The following PPP4R3A variants were observed in gnomAD, a reference collection of about 807,000 sequenced individuals.
PPP4R3A encodes the protein protein phosphatase 4 regulatory subunit 3A.
In PPP4R3A, 15 loss-of-function variants were observed where a neutral mutation model predicts 91.7. The observed-to-expected ratio is 0.16, with a 90% CI of 0.11 to 0.25. PPP4R3A has a LOEUF of 0.25. PPP4R3A is among the 10% of genes least tolerant of loss of function. PPP4R3A has a pLI of 1.00. For synonymous variants in PPP4R3A, 377 were observed against 348.7 expected (o/e 1.08, Z -0.91); for missense variants, 623 against 998.4 (o/e 0.62, Z 5.07).
At chr14:91,499,183 T>C (rs1176687183) in intron 1 of PPP4R3A, among the ~76,000 whole-genome samples, 2 of 151,488 alleles carry the variant, frequency 1.3e-5, no homozygotes, top group Non-Finnish European at 2.9e-5. Context: ...GAGGATTGCT[T>C]GAGGCCAGGA....
chr14:91,464,284 G>A (rs1026355288), intron 11 of PPP4R3A, among the ~76,000 whole-genome samples: 7 of 151,966 alleles, frequency 4.6e-5, no homozygotes, highest in African/African-American at 1.7e-4. Context: ...TCATGCCACC[G>A]CACTTCAGCC....
At position 91,508,943 on chromosome 14, in the gene PPP4R3A, G is replaced by A. The variant is rs535458416; in HGVS notation, c.142+563C>T. ...ACTGGTGAACGAAAATCTTCGCAAG[G>A]GAAAGCGTTTTCTCTTAGTGTAGAG... On this transcript the variant is annotated intron_variant, in intron 1 of 14. Coordinates refer to ENST00000554943, the MANE Select transcript of PPP4R3A (RefSeq NM_001366432.2). Among the ~76,000 whole-genome samples the A allele has an allele frequency of 4.6e-5, 7 of 152,276 alleles. No individual in the cohort carries two copies. The South Asian group carries it at 1.5e-3, about 32-fold the overall frequency.
rs781230730 is a variant in PPP4R3A, at chr14:91,475,810, C to T, written c.1266+1G>A. 1 of 1,611,786 alleles carries T rather than the reference C, an allele frequency of 6.2e-7. No homozygotes were observed. The highest frequency in any genetic ancestry group is 2.2e-5 in the East Asian group (1 of 44,774). On this transcript the variant is annotated splice_donor_variant, in intron 7 of 14. Coordinates refer to ENST00000554943, the MANE Select transcript of PPP4R3A (RefSeq NM_001366432.2). LOFTEE classifies it high-confidence loss of function. ...TTACTATTAGTACAAATAATATTTA[C>T]CTTGCTGGTTATTTTTTGCTCTGTT...
At chr14:91,478,122 T>A (rs1889320925) in intron 4 of PPP4R3A, among the ~76,000 whole-genome samples, 1 of 152,204 alleles carries the variant, frequency 6.6e-6, no homozygotes, top group Non-Finnish European at 1.5e-5. Flanking sequence ...GGCACTAAGT[T>A]AGTTTGGTTA....
chr14:91,482,270 A>C (rs1277748568), intron 3 of PPP4R3A, 77 bp from the exon 4 acceptor site: 8 of 1,427,016 alleles, frequency 5.6e-6, no homozygotes, highest in Non-Finnish European at 6.5e-6. Context: ...TAAGATGAAT[A>C]CTAGAAATGT....
chr14:91,463,440 G>A (rs58777831), intron 11 of PPP4R3A, among the ~76,000 whole-genome samples: 4,170 of 152,024 alleles, frequency 0.027, 171 homozygotes, highest in African/African-American at 0.094. Context: ...GGCTGGGTAT[G>A]TGTATTTTTT....
intron 1 of PPP4R3A, among the ~76,000 whole-genome samples, chr14:91,504,765 C>T (rs1240968302): frequency 6.6e-6 from 1 of 152,164 alleles, no homozygotes; most frequent in Admixed American, 6.5e-5. Flanking sequence ...CCAAGTTACT[C>T]GGTTTTGGAA....
At chr14:91,507,892 C>A (rs971801874) in intron 1 of PPP4R3A, among the ~76,000 whole-genome samples, 1 of 151,866 alleles carries the variant, frequency 6.6e-6, no homozygotes, top group Admixed American at 6.6e-5. Flanking sequence ...GAGGCCGAGG[C>A]GGGTGGACTG....
At chr14:91,469,593 C>CA (rs1243601397) in intron 10 of PPP4R3A, among the ~76,000 whole-genome samples, 1 of 152,154 alleles carries the variant, frequency 6.6e-6, no homozygotes, top group Non-Finnish European at 1.5e-5. Context: ...GGTGGGGAGA[C>CA]AGTGTCTCTC....
intron 10 of PPP4R3A, among the ~76,000 whole-genome samples, chr14:91,468,718 C>T (rs184510172): frequency 8.6e-6 from 1 of 115,996 alleles, no homozygotes; most frequent in East Asian, 3.2e-4. Flanking sequence ...ACCAAGTATA[C>T]TTTGTCCACA....
At chr14:91,480,637 C>G (rs1421829807) in intron 4 of PPP4R3A, among the ~76,000 whole-genome samples, 3 of 152,118 alleles carry the variant, frequency 2.0e-5, no homozygotes, top group Non-Finnish European at 4.4e-5. Flanking sequence ...GGTGACATTT[C>G]TCTTGGCTTT....
intron 4 of PPP4R3A, among the ~76,000 whole-genome samples, chr14:91,480,842 C>T (rs1287962259): frequency 1.3e-5 from 2 of 152,052 alleles, no homozygotes; most frequent in African/African-American, 2.4e-5. Flanking sequence ...TTGAGACCAG[C>T]CTGGGCAACA....
Position 91,471,253 on chromosome 14 carries a change from A to G in PPP4R3A, c.1502-258T>C, listed in dbSNP as rs114605422. 5.6e-3 allele frequency among the ~76,000 whole-genome samples: 856 copies of G among 152,276 alleles called. 5 individuals carry two copies. Among genetic ancestry groups the G allele is most frequent in the African/African-American group, 0.02 (813 of 41,546 alleles). ...TATTAACTAACTAGACCCAAGTTGG[A>G]AAAGTTAGTAAGGCAGAGTTATGAT... On this transcript the variant is annotated intron_variant, in intron 9 of 14. Transcript: ENST00000554943.
At chr14:91,470,076 T>TA (rs1003807593) in intron 10 of PPP4R3A, among the ~76,000 whole-genome samples, 1 of 152,040 alleles carries the variant, frequency 6.6e-6, no homozygotes, top group African/African-American at 2.4e-5. Context: ...CACTCAAACT[T>TA]ACCTTTAAAA....
At chr14:91,460,636 C>CTT (rs1567143274) in intron 14 of PPP4R3A, among the ~76,000 whole-genome samples, 4 of 98,338 alleles carry the variant, frequency 4.1e-5, no homozygotes, top group African/African-American at 1.5e-4. Flanking sequence ...AGATTTTGTT[C>CTT]CTTTTTTTTT....
At chr14:91,465,856 ACT>A (rs889077199) in intron 10 of PPP4R3A, among the ~76,000 whole-genome samples, 5 of 152,050 alleles carry the variant, frequency 3.3e-5, no homozygotes, top group South Asian at 2.1e-4. Context: ...ATTTTTGGAC[ACT>A]CTTATTATTT....
Position 91,509,511 on chromosome 14 carries a change from C to G in PPP4R3A, c.137G>C (p.Ser46Thr). 6.3e-7 allele frequency: 1 copy of G among 1,591,236 alleles called. No homozygotes were observed. The highest frequency in any genetic ancestry group is 8.5e-7 in the Non-Finnish European group (1 of 1,174,472). The change falls in exon 1 of 15, where the codon AGC (serine) becomes ACC (threonine). Residue 46 changes from serine (S) to threonine (T), a missense_variant. By Grantham distance (58) the Ser-to-Thr change is moderately conservative. This residue lies in a region of PPP4R3A where 51 missense variants were observed against 81.8 expected (regional missense o/e 0.62). Coordinates refer to ENST00000554943, the MANE Select transcript of PPP4R3A (RefSeq NM_001366432.2). ...CCGCGCGGGGCTTCACTTACCGTCGCTCTCAGCCCTGACAAGCAGGGACAT... is the reference window on the plus strand; with the variant it reads ...CCGCGCGGGGCTTCACTTACCGTCGGTCTCAGCCCTGACAAGCAGGGACAT... ...KGMSLLVRAESDGSLLLESKI... is the reference protein window; with the variant it reads ...KGMSLLVRAETDGSLLLESKI...
chr14:91,486,905 CA>C lies in PPP4R3A; in HGVS notation c.199-1176del, dbSNP rs769201002. The stretch of plus-strand genomic sequence containing the variant: ...GGCAACAGGAGCAAAACTCTGTCTC[CA>C]AAAAAAAAAAAAAAAAAATAGAGAG... On this transcript the variant is annotated intron_variant, in intron 2 of 14. Coordinates refer to ENST00000554943, the MANE Select transcript of PPP4R3A (RefSeq NM_001366432.2). Among the ~76,000 whole-genome samples the C allele has an allele frequency of 7.4e-3, 640 of 86,906 alleles. 4 individuals are homozygous for C. Among genetic ancestry groups the C allele is most frequent in the African/African-American group, 0.027 (579 of 21,248 alleles). The allele number at this position is 86,906 out of a possible 152,430, so 57.0% of individuals were successfully genotyped here. A position where few individuals can be genotyped will look rare whatever the true frequency, so the allele number is the denominator to read the frequency against.
At chr14:91,460,103 C>T (rs1227680826) in intron 14 of PPP4R3A, among the ~76,000 whole-genome samples, 2 of 152,088 alleles carry the variant, frequency 1.3e-5, no homozygotes, top group Non-Finnish European at 2.9e-5. Context: ...GCTCCACCTC[C>T]CGGGATCACA....
Sources: gnomAD v4.1 joint callset for allele counts (sites outside exome capture counted in the v4.1 genomes callset) on GRCh38, gnomAD v4.1.1 for gene constraint, gnomAD v4.1.1 regional missense constraint, MANE v1.5 for transcripts, NCBI Gene and HGNC (gene_info 2026-07-23, HGNC 2026-07-21) for gene names.